The following NEGR1 variants were observed in gnomAD, a reference collection of about 807,000 sequenced individuals.
NEGR1 encodes the protein neuronal growth regulator 1, also known as IgLON family member 4.
NEGR1 carries 10 observed loss-of-function variants against 40.9 expected under a neutral mutation model. The ratio of observed to expected loss-of-function variants is 0.24; its 90% CI spans 0.15 to 0.42. The LOEUF is 0.42. Ranked by LOEUF, NEGR1 falls within the 10% of genes least tolerant of loss-of-function variation. The probability of loss-of-function intolerance (pLI) is 1.00; values close to 1 mark genes in which losing one functional copy is unlikely to be tolerated. For synonymous variants in NEGR1, 185 were observed against 166.8 expected (o/e 1.11, Z -0.84); for missense variants, 352 against 438.9 (o/e 0.80, Z 1.77).
At chr1:71,789,619 C>T (rs1382593227) in intron 2 of NEGR1, among the ~76,000 whole-genome samples, 1 of 151,980 alleles carries the variant, frequency 6.6e-6, no homozygotes, top group Non-Finnish European at 1.5e-5. Flanking sequence ...ATTTTCATAT[C>T]CCAGATAAAA....
intron 2 of NEGR1, among the ~76,000 whole-genome samples, chr1:71,828,779 CTG>C (rs1658733476): frequency 6.6e-6 from 1 of 151,932 alleles, no homozygotes; most frequent in African/African-American, 2.4e-5. Flanking sequence ...TGTTCTGATT[CTG>C]TGTCATTATT....
chr1:72,034,316 C>T (rs1016769497), intron 1 of NEGR1, among the ~76,000 whole-genome samples: 2 of 152,146 alleles, frequency 1.3e-5, no homozygotes, highest in Non-Finnish European at 1.5e-5. Flanking sequence ...TTCCATTGTG[C>T]ATGCAGGTGT....
At chr1:72,076,900 T>TC (rs1647766465) in intron 1 of NEGR1, among the ~76,000 whole-genome samples, 1 of 146,850 alleles carries the variant, frequency 6.8e-6, no homozygotes, top group African/African-American at 2.5e-5. Flanking sequence ...CTTTTTTTTT[T>TC]TTTTTTTTTT....
intron 1 of NEGR1, among the ~76,000 whole-genome samples, chr1:72,020,275 T>C (rs754779140): frequency 1.3e-4 from 20 of 152,170 alleles, no homozygotes; most frequent in Admixed American, 3.9e-4. Flanking sequence ...CACTTGCTTA[T>C]CTGGAGCACA....
chr1:71,479,576 A>G (rs1342378751), intron 6 of NEGR1, among the ~76,000 whole-genome samples: 6 of 151,952 alleles, frequency 3.9e-5, no homozygotes, highest in Admixed American at 6.6e-5. Flanking sequence ...CTGACACCCA[A>G]TCCTACATTG....
At chr1:71,597,155 A>C (rs922179377) in intron 5 of NEGR1, among the ~76,000 whole-genome samples, 2 of 152,130 alleles carry the variant, frequency 1.3e-5, no homozygotes, top group Non-Finnish European at 2.9e-5. Flanking sequence ...ACAAAAGAGA[A>C]AGATTTAGAA....
chr1:71,527,642 C>T (rs1269502323), intron 6 of NEGR1, among the ~76,000 whole-genome samples: 2 of 151,386 alleles, frequency 1.3e-5, no homozygotes, highest in Non-Finnish European at 3.0e-5. Flanking sequence ...CTTTTATGTT[C>T]TACTTCTGTG....
intron 2 of NEGR1, among the ~76,000 whole-genome samples, chr1:71,812,918 G>C (rs1003182177): frequency 5.9e-5 from 9 of 151,484 alleles, no homozygotes; most frequent in Admixed American, 4.0e-4. Context: ...GATCCCACTT[G>C]CTGAGCTCTT....
intron 2 of NEGR1, among the ~76,000 whole-genome samples, chr1:71,899,384 A>G (rs1464587678): frequency 6.6e-6 from 1 of 152,074 alleles, no homozygotes; most frequent in Non-Finnish European, 1.5e-5. Context: ...GGGAAGGCAG[A>G]TAGGAAGGCA....
intron 1 of NEGR1, among the ~76,000 whole-genome samples, chr1:72,107,694 G>A (rs1649191795): frequency 1.3e-5 from 2 of 151,032 alleles, no homozygotes; most frequent in Admixed American, 6.6e-5. Flanking sequence ...TTAGAAAAAT[G>A]ACTATGTAGA....
intron 3 of NEGR1, among the ~76,000 whole-genome samples, chr1:71,732,211 G>A (rs1178465822): frequency 6.6e-6 from 1 of 152,086 alleles, no homozygotes; most frequent in Non-Finnish European, 1.5e-5. Flanking sequence ...GGAGGACTGA[G>A]GTGGGAGAAT....
intron 2 of NEGR1, among the ~76,000 whole-genome samples, chr1:71,823,851 A>G (rs531050389): frequency 6.6e-6 from 1 of 152,190 alleles, no homozygotes; most frequent in South Asian, 2.1e-4. Flanking sequence ...CATCTGGGTC[A>G]AAGTCATATT....
intron 1 of NEGR1, among the ~76,000 whole-genome samples, chr1:72,247,723 A>T (rs1480971680): frequency 1.3e-5 from 2 of 152,102 alleles, no homozygotes; most frequent in Non-Finnish European, 2.9e-5. Context: ...AAACTCTTCC[A>T]ACCTCTGCCC....
intron 6 of NEGR1, among the ~76,000 whole-genome samples, chr1:71,586,854 C>G (rs776000063): frequency 1.4e-4 from 21 of 152,086 alleles, no homozygotes; most frequent in Non-Finnish European, 1.2e-4. Flanking sequence ...TAGAGAACGA[C>G]TTGATAGGCC....
intron 3 of NEGR1, among the ~76,000 whole-genome samples, chr1:71,745,436 T>G (rs1313903615): frequency 1.5e-5 from 2 of 131,070 alleles, no homozygotes; most frequent in Non-Finnish European, 3.2e-5. Flanking sequence ...AAATTCCTCT[T>G]ATTAAATATT....
intron 4 of NEGR1, among the ~76,000 whole-genome samples, chr1:71,612,920 A>C (rs906075083): frequency 2.0e-5 from 3 of 152,216 alleles, no homozygotes; most frequent in Non-Finnish European, 4.4e-5. Flanking sequence ...AGTGGATTCC[A>C]AGTTTACACC....
intron 1 of NEGR1, among the ~76,000 whole-genome samples, chr1:72,036,521 T>C (rs966603630): frequency 1.3e-5 from 2 of 151,740 alleles, no homozygotes; most frequent in Non-Finnish European, 2.9e-5. Context: ...CTGGGCATGG[T>C]GGTGCGCGCC....
chr1:71,681,470 G>A (rs992002420), intron 4 of NEGR1, among the ~76,000 whole-genome samples: 3 of 152,180 alleles, frequency 2.0e-5, no homozygotes, highest in African/African-American at 7.2e-5. Flanking sequence ...TCAACAGTCA[G>A]TGTGTTTGCT....
intron 3 of NEGR1, among the ~76,000 whole-genome samples, chr1:71,761,747 C>T (rs1313063326): frequency 6.6e-6 from 1 of 151,982 alleles, no homozygotes; most frequent in Non-Finnish European, 1.5e-5. Context: ...TTAAAACATT[C>T]TCCGACAAGG....
Sources: allele counts gnomAD v4.1 joint callset (sites outside exome capture counted in the v4.1 genomes callset), GRCh38; gene constraint gnomAD v4.1.1; transcripts MANE v1.5; gene names NCBI Gene and HGNC (gene_info 2026-07-23, HGNC 2026-07-21).